The following TMIGD3 variants were observed in gnomAD, a reference collection of about 807,000 sequenced individuals.
TMIGD3 encodes transmembrane and immunoglobulin domain containing 3.
TMIGD3 carries 21 observed loss-of-function variants against 28.1 expected under a neutral mutation model. The observed-to-expected ratio is 0.75, with a 90% CI of 0.53 to 1.08. TMIGD3 has a LOEUF of 1.08. TMIGD3 is among the 50% of genes least tolerant of loss of function. The pLI is 0.00. For missense variants in TMIGD3, 416 were observed against 435.6 expected (o/e 0.96, Z 0.40); for synonymous variants, 151 against 162.1 (o/e 0.93, Z 0.52).
At chr1:111,542,889 G>T (rs1240113458) in intron 1 of TMIGD3, among the ~76,000 whole-genome samples, 1 of 151,976 alleles carries the variant, frequency 6.6e-6, no homozygotes, top group Non-Finnish European at 1.5e-5. Context: ...TAGAGATGGG[G>T]TTTCACCATG....
At position 111,500,373 on chromosome 1, in the gene TMIGD3, T is replaced by C. The variant is rs906958064; in HGVS notation, c.350+2632A>G. On this transcript the variant is annotated intron_variant, in intron 1 of 5. Transcript: ENST00000369716. ...AAATCCAGGTGAGGAAGCTGAAGTA[T>C]ACCATGTAGTCCATTCTCATGACGG... is the stretch of plus-strand genomic sequence containing the variant. The C allele has an allele frequency of 1.9e-6, 3 of 1,614,218 alleles. No individual in the cohort carries two copies. In the East Asian group the frequency reaches 6.7e-5, roughly 36 times the overall value.
chr1:111,521,878 T>G (rs1340230871), intron 1 of TMIGD3, among the ~76,000 whole-genome samples: 1 of 152,226 alleles, frequency 6.6e-6, no homozygotes, highest in Non-Finnish European at 1.5e-5. Flanking sequence ...CCTAGAAATT[T>G]TATAGTTTTA....
chr1:111,540,645 C>T (rs2101023301), intron 1 of TMIGD3, among the ~76,000 whole-genome samples: 1 of 152,300 alleles, frequency 6.6e-6, no homozygotes, highest in South Asian at 2.1e-4. Context: ...ACTTCATGCT[C>T]CAGCATGAGA....
In TMIGD3 at chr1:111,502,797, T is replaced by C. The variant is rs186824920; in HGVS notation, c.350+208A>G. ...CCACCCCTAGTCAGTGGAGAAAGGA[T>C]TGGAGCATTCCTCTGATTCTAGCTC... On this transcript the variant is annotated intron_variant, in intron 1 of 5. Transcript: ENST00000369716. 5.1e-4 allele frequency among the ~76,000 whole-genome samples: 77 copies of C among 152,122 alleles called. No homozygotes were observed. The East Asian group carries it at 8.9e-3, about 18-fold the overall frequency.
At chr1:111,511,977 G>A (rs1319181553) in intron 1 of TMIGD3, among the ~76,000 whole-genome samples, 3 of 150,734 alleles carry the variant, frequency 2.0e-5, no homozygotes, top group African/African-American at 7.4e-5. Context: ...CAGAGGGAAC[G>A]GAGGCCCAGA....
chr1:111,500,859 C>T (rs1486295027), intron 1 of TMIGD3: 6 of 483,368 alleles, frequency 1.2e-5, no homozygotes, highest in East Asian at 1.2e-4. Flanking sequence ...CAAGTGCTTA[C>T]GTGCTCCACT....
intron 1 of TMIGD3, among the ~76,000 whole-genome samples, chr1:111,557,718 T>G (rs961955108): frequency 6.6e-6 from 1 of 152,110 alleles, no homozygotes; most frequent in Non-Finnish European, 1.5e-5. Context: ...ACAAATAGCC[T>G]GACAAATATA....
At position 111,503,059 on chromosome 1, in the gene TMIGD3, A is replaced by C. The variant is rs762744302; in HGVS notation, c.296T>G (p.Met99Arg). ...GTCCACAGCGATGGCCAGCAAGGAC[A>C]TGATGGAGGCGTGGGTAAAGATAAG... ...LLLIFTHASI[M>R]SLLAIAVDRY... The change falls in exon 1 of 6, where the codon ATG (methionine) becomes AGG (arginine). Residue 99 changes from methionine (M) to arginine (R), a missense_variant. Coordinates refer to ENST00000369716, the MANE Select transcript of TMIGD3 (RefSeq NM_020683.7). The C allele has an allele frequency of 6.2e-7, 1 of 1,614,236 alleles. No homozygotes were observed. The highest frequency in any genetic ancestry group is 8.5e-7 in the Non-Finnish European group (1 of 1,180,036).
At chr1:111,491,715 G>A (rs1243581836) in intron 1 of TMIGD3, among the ~76,000 whole-genome samples, 1 of 152,146 alleles carries the variant, frequency 6.6e-6, no homozygotes, top group East Asian at 1.9e-4. Context: ...AATAAAAAAG[G>A]AAGCAAGGAA....
chr1:111,529,908 G>A (rs1656395466), intron 1 of TMIGD3, among the ~76,000 whole-genome samples: 1 of 148,276 alleles, frequency 6.7e-6, no homozygotes, highest in Non-Finnish European at 1.5e-5. Context: ...GGGGCGGCTG[G>A]CCGGGCAGAG....
At chr1:111,524,747 G>A (rs1339425164) in intron 1 of TMIGD3, among the ~76,000 whole-genome samples, 1 of 152,072 alleles carries the variant, frequency 6.6e-6, no homozygotes, top group Non-Finnish European at 1.5e-5. Context: ...AGCCTCTCGA[G>A]TAGCTGGGAT....
At chr1:111,484,340 A>G (rs759765219) in intron 5 of TMIGD3, among the ~76,000 whole-genome samples, 7 of 152,206 alleles carry the variant, frequency 4.6e-5, no homozygotes, top group Non-Finnish European at 8.8e-5. Context: ...AACGAATAAA[A>G]ATATTGGGGA....
chr1:111,501,307 CAGTAAG>C (rs1322492872), intron 1 of TMIGD3: 1 of 152,220 alleles, frequency 6.6e-6, no homozygotes, highest in East Asian at 1.9e-4. Flanking sequence ...CCTTAAAGGA[CAGTAAG>C]AGTAAGAGTC....
At chr1:111,553,963 T>C (rs1415710068) in intron 1 of TMIGD3, among the ~76,000 whole-genome samples, 1 of 152,244 alleles carries the variant, frequency 6.6e-6, no homozygotes, top group Non-Finnish European at 1.5e-5. Context: ...CATGCATTGC[T>C]TCCCCATTCT....
chr1:111,511,762 C>T (rs1655700549), intron 1 of TMIGD3, among the ~76,000 whole-genome samples: 1 of 151,966 alleles, frequency 6.6e-6, no homozygotes, highest in Non-Finnish European at 1.5e-5. Flanking sequence ...AGTCAGAGCT[C>T]ATTTGTTCAT....
chr1:111,552,878 C>A (rs953722736), intron 1 of TMIGD3, among the ~76,000 whole-genome samples: 1 of 152,192 alleles, frequency 6.6e-6, no homozygotes, highest in Non-Finnish European at 1.5e-5. Flanking sequence ...ACTAGGCCTG[C>A]ATATAGTGAA....
At chr1:111,497,894 G>A (rs1448809977) in intron 1 of TMIGD3, among the ~76,000 whole-genome samples, 1 of 152,154 alleles carries the variant, frequency 6.6e-6, no homozygotes, top group African/African-American at 2.4e-5. Flanking sequence ...TGTAAATTAA[G>A]AAGCATGGTG....
chr1:111,500,709 T>TCTCTTA, intron 1 of TMIGD3: 2 of 708,928 alleles, frequency 2.8e-6, no homozygotes, highest in Non-Finnish European at 4.7e-6. Context: ...ATTGATATCC[T>TCTCTTA]ATGGTGATTC....
chr1:111,511,698 C>T (rs2100994900), intron 1 of TMIGD3, among the ~76,000 whole-genome samples: 1 of 151,420 alleles, frequency 6.6e-6, no homozygotes, highest in East Asian at 1.9e-4. Context: ...CACACACACA[C>T]GTCCACATGC....
Sources: allele counts gnomAD v4.1 joint callset (sites outside exome capture counted in the v4.1 genomes callset), GRCh38; gene constraint gnomAD v4.1.1; transcripts MANE v1.5; gene names NCBI Gene and HGNC (gene_info 2026-07-23, HGNC 2026-07-21).